The following ORAI2 variants were observed in gnomAD, a reference collection of about 807,000 sequenced individuals.
ORAI2 encodes the protein ORAI calcium release-activated calcium modulator 2, also known as protein orai-2.
A neutral mutation model predicts 16.2 loss-of-function variants in ORAI2; 10 were observed. The observed-to-expected ratio is 0.62, with a 90% CI of 0.38 to 1.04. The LOEUF (loss-of-function observed/expected upper bound fraction) is 1.04. ORAI2 is among the 50% of genes least tolerant of loss of function. The pLI is 0.01. For missense variants in ORAI2, 238 were observed against 355.5 expected, an observed-to-expected ratio of 0.67 and a Z score of 2.66; for synonymous variants, 150 against 157.5, an observed-to-expected ratio of 0.95 and a Z score of 0.35.
rs760603080 is a variant in ORAI2, at chr7:102,450,502, C to G, written c.*3450C>G. 2 of 152,340 alleles carry G rather than the reference C, an allele frequency of 1.3e-5. No individual in the cohort carries two copies. The highest frequency in any genetic ancestry group is 2.4e-5 in the African/African-American group (1 of 41,478). The allele number at this position is 152,340 out of a possible 1,614,324, so 9.4% of individuals were successfully genotyped here. A position where few individuals can be genotyped will look rare whatever the true frequency, so the allele number is the denominator to read the frequency against. ...TACTGTACCTGGTCCCCAGGCAGAG[C>G]TCTTGGCCTGGCAGCATCCAGGCAG... On this transcript the variant is annotated 3_prime_UTR_variant, in exon 4 of 4. Transcript: ENST00000495936.
intron 3 of ORAI2, 69 bp from the exon 4 acceptor site, chr7:102,446,444 C>T (rs12672132): frequency 0.93 from 1,380,940 of 1,483,752 alleles, 642,896 homozygotes; most frequent in East Asian, 1. Flanking sequence ...CTCTGCCTGG[C>T]AGGTGGCCCT....
rs778467745 is a variant in ORAI2 at position 102,439,127 on chromosome 7, G to A, written c.171G>A (p.Arg57=). 2.5e-6 allele frequency: 4 copies of A among 1,613,946 alleles called. No individual in the cohort carries two copies. The highest frequency in any genetic ancestry group is 4.5e-5 in the East Asian group (2 of 44,892). ...ALSWRKLYLS[R]AKLKASSRTS... is the part of the protein sequence containing the mutation. The stretch of plus-strand genomic sequence containing the variant: ...CGTGGCGGAAGCTCTACCTGAGCAG[G>A]GCCAAGCTGAAGGCCTCCAGCAGGA... Residue 57 remains arginine (R), a synonymous_variant, in exon 3 of 4, where the codon AGG becomes AGA. Coordinates refer to ENST00000495936, the MANE Select transcript of ORAI2 (RefSeq NM_001126340.3).
At chr7:102,437,357 G>A (rs1458293679) in intron 2 of ORAI2, among the ~76,000 whole-genome samples, 1 of 152,212 alleles carries the variant, frequency 6.6e-6, no homozygotes, top group African/African-American at 2.4e-5. Flanking sequence ...GCTCACACCT[G>A]TAATCCCATC....
intron 1 of ORAI2, among the ~76,000 whole-genome samples, chr7:102,435,419 C>A (rs1260194208): frequency 1.3e-5 from 2 of 152,102 alleles, no homozygotes; most frequent in African/African-American, 2.4e-5. Flanking sequence ...CCGCTCTGTC[C>A]CCTCCCCGGT....
chr7:102,442,544 A>G (rs1343790320), intron 3 of ORAI2, among the ~76,000 whole-genome samples: 2 of 152,168 alleles, frequency 1.3e-5, no homozygotes, highest in Admixed American at 1.3e-4. Flanking sequence ...AAGATCAGCC[A>G]TGCGTGGTGG....
chr7:102,442,891 A>C (rs1797243021), intron 3 of ORAI2, among the ~76,000 whole-genome samples: 1 of 149,984 alleles, frequency 6.7e-6, no homozygotes, highest in Non-Finnish European at 1.5e-5. Context: ...GTGGTGGCGC[A>C]TGCCTGTAGT....
chr7:102,445,437 C>T (rs1289470002), intron 3 of ORAI2, among the ~76,000 whole-genome samples: 1 of 151,074 alleles, frequency 6.6e-6, no homozygotes, highest in African/African-American at 2.4e-5. Flanking sequence ...TCAGTTTTTA[C>T]CTTTTGAAAG....
In ORAI2 at chr7:102,447,023, G is replaced by C. The variant is rs1448769482; in HGVS notation, c.736G>C (p.Gly246Arg). The C allele has an allele frequency of 1.9e-6, 3 of 1,557,770 alleles. No homozygotes were observed. The highest frequency in any genetic ancestry group is 2.6e-6 in the Non-Finnish European group (3 of 1,155,196). The change falls in exon 4 of 4, where the codon GGG (glycine) becomes CGG (arginine). Residue 246 changes from glycine to arginine, a missense_variant. Gly to Arg is a moderately radical substitution (Grantham distance 125, BLOSUM62 -2). This residue lies in a region of ORAI2 where 176 missense variants were observed against 265.9 expected (regional missense o/e 0.66). Coordinates refer to ENST00000495936, the MANE Select transcript of ORAI2 (RefSeq NM_001126340.3). Reference sequence around the variant, plus strand: ...CCACAAGCTCAAGGTCCAGCTGGACGGGCATGAGCGCAGCCTGCAGGTCTT... The same window carrying C: ...CCACAAGCTCAAGGTCCAGCTGGACCGGCATGAGCGCAGCCTGCAGGTCTT... ...ELHKLKVQLD[G>R]HERSLQVL
In ORAI2 at chr7:102,447,371, C is replaced by G; in HGVS notation, c.*319C>G. 3.0e-6 allele frequency: 1 copy of G among 337,668 alleles called. No individual in the cohort carries two copies. The highest frequency in any genetic ancestry group is 5.7e-5 in the East Asian group (1 of 17,650). The allele number at this position is 337,668 out of a possible 1,614,324, so 20.9% of individuals were successfully genotyped here. A position where few individuals can be genotyped will look rare whatever the true frequency, so the allele number is the denominator to read the frequency against. ...GGCCAGGAGGGGCTCCAAGCAGCAC[C>G]CAGCGGTCCGGGGGAGTCTCAGACC... On this transcript the variant is annotated 3_prime_UTR_variant, in exon 4 of 4. Coordinates refer to ENST00000495936, the MANE Select transcript of ORAI2 (RefSeq NM_001126340.3).
intron 2 of ORAI2, 84 bp downstream of exon 2, chr7:102,436,417 T>C: frequency 2.3e-6 from 2 of 860,674 alleles, no homozygotes; most frequent in Non-Finnish European, 2.8e-6. Flanking sequence ...TTTGTAGCCT[T>C]GTTGAGAACA....
chr7:102,439,040 C>T lies in ORAI2; in HGVS notation c.84C>T (p.Asp28=). ...EPGHKGMDYR[D]WVRRSYLELV... Reference sequence around the variant, plus strand: ...GCCATAAGGGCATGGATTACCGGGACTGGGTCCGCCGCAGCTACCTGGAAC... The same window carrying T: ...GCCATAAGGGCATGGATTACCGGGATTGGGTCCGCCGCAGCTACCTGGAAC... The change falls in exon 3 of 4, where the codon GAC becomes GAT. Residue 28 remains aspartate (D), a synonymous_variant. Transcript: ENST00000495936. The T allele has an allele frequency of 1.2e-6, 2 of 1,614,040 alleles. No homozygotes were observed. The highest frequency in any genetic ancestry group is 1.3e-5 in the African/African-American group (1 of 75,062).
At chr7:102,444,627 T>A (rs1028260618) in intron 3 of ORAI2, among the ~76,000 whole-genome samples, 4 of 146,940 alleles carry the variant, frequency 2.7e-5, no homozygotes, top group Non-Finnish European at 6.0e-5. Context: ...AGGGAAACAG[T>A]GGAAACAGTG....
intron 2 of ORAI2, among the ~76,000 whole-genome samples, chr7:102,436,713 T>C (rs1797068949): frequency 6.6e-6 from 1 of 152,244 alleles, no homozygotes; most frequent in East Asian, 1.9e-4. Flanking sequence ...TTTTTTTTCT[T>C]TTCTTTTCTT....
In ORAI2 at chr7:102,446,952, T is replaced by C; in HGVS notation, c.665T>C (p.Leu222Pro). ...TTCACCATCCACTTCTACCGCTCCC[T>C]GGTGCGCCACAAAACGGAGCGCCAC... The part of the protein sequence containing the change: ...VVFTIHFYRS[L>P]VRHKTERHNR... Residue 222 changes from leucine (L) to proline (P), a missense_variant, in exon 4 of 4, where the codon CTG (leucine) becomes CCG (proline). Leu to Pro is a moderately conservative substitution (Grantham distance 98). This residue lies in a region of ORAI2 where 176 missense variants were observed against 265.9 expected (regional missense o/e 0.66). Coordinates refer to ENST00000495936, the MANE Select transcript of ORAI2 (RefSeq NM_001126340.3). 1.2e-6 allele frequency: 2 copies of C among 1,611,972 alleles called. No individual in the cohort carries two copies. The highest frequency in any genetic ancestry group is 8.5e-7 in the Non-Finnish European group (1 of 1,179,806).
chr7:102,435,466 G>A (rs1470396527), intron 1 of ORAI2, among the ~76,000 whole-genome samples: 1 of 151,834 alleles, frequency 6.6e-6, no homozygotes, highest in South Asian at 2.1e-4. Context: ...CTTGGTGTGA[G>A]GCAGCCAGTC....
At chr7:102,436,633 G>T (rs2133220956) in intron 2 of ORAI2, among the ~76,000 whole-genome samples, 1 of 152,268 alleles carries the variant, frequency 6.6e-6, no homozygotes, top group South Asian at 2.1e-4. Flanking sequence ...GGATCTGTGT[G>T]TAACAGCCTG....
In ORAI2 at chr7:102,435,810, T is replaced by C. The variant is rs185635942; in HGVS notation, c.-122-415T>C. Reference sequence around the variant, plus strand: ...CCACCATGCCCAGTTACTTTTTGTATTTTTAGAAGAGACAGGTTTCCACCA... The same window carrying C: ...CCACCATGCCCAGTTACTTTTTGTACTTTTAGAAGAGACAGGTTTCCACCA... On this transcript the variant is annotated intron_variant, in intron 1 of 3. Coordinates refer to ENST00000495936, the MANE Select transcript of ORAI2 (RefSeq NM_001126340.3). 6.0e-4 allele frequency among the ~76,000 whole-genome samples: 92 copies of C among 152,190 alleles called. 1 individual carries two copies. Among genetic ancestry groups the C allele is most frequent in the African/African-American group, 2.0e-3 (83 of 41,530 alleles).
chr7:102,446,920 C>T lies in ORAI2; in HGVS notation c.633C>T (p.Phe211=), dbSNP rs144660402. 2.2e-5 allele frequency: 35 copies of T among 1,613,014 alleles called. No individual in the cohort carries two copies. In the Admixed American group the frequency reaches 3.3e-4, roughly 15 times the overall value. ...TCATGGTGCCCGTGGGCCTCATCTTCGTGGTCTTCACCATCCACTTCTACC... is the reference window on the plus strand; with the variant it reads ...TCATGGTGCCCGTGGGCCTCATCTTTGTGGTCTTCACCATCCACTTCTACC... ...TIIMVPVGLI[F]VVFTIHFYRS... Residue 211 remains phenylalanine, a synonymous_variant, in exon 4 of 4, where the codon TTC becomes TTT. Transcript: ENST00000495936.
At chr7:102,441,145 G>C (rs971008495) in intron 3 of ORAI2, among the ~76,000 whole-genome samples, 2 of 151,198 alleles carry the variant, frequency 1.3e-5, no homozygotes, top group African/African-American at 4.9e-5. Context: ...CGCCACCCTC[G>C]GCCTCCCAAA....
Sources: gnomAD v4.1 joint callset for allele counts (sites outside exome capture counted in the v4.1 genomes callset) on GRCh38, gnomAD v4.1.1 for gene constraint, gnomAD v4.1.1 regional missense constraint, MANE v1.5 for transcripts, NCBI Gene and HGNC (gene_info 2026-07-23, HGNC 2026-07-21) for gene names.